Variants in VRK2 observed in about 807,000 individuals in gnomAD.
VRK2 encodes the protein VRK serine/threonine kinase 2, also known as serine/threonine-protein kinase VRK2.
A neutral mutation model predicts 57.6 loss-of-function variants in VRK2; 60 were observed. That is an observed-to-expected ratio of 1.04 (90% confidence interval 0.85 to 1.29). VRK2 has a LOEUF of 1.29. Among genes scored for constraint, VRK2 ranks in the 50% most tolerant of loss-of-function variants. VRK2 has a pLI of 0.00. For missense variants in VRK2, 705 were observed against 588.1 expected (o/e 1.20, Z -2.06); for synonymous variants, 231 against 199.2 (o/e 1.16, Z -1.35).
intron 1 of VRK2, among the ~76,000 whole-genome samples, chr2:58,012,207 G>T (rs976851384): frequency 6.6e-6 from 1 of 152,162 alleles, no homozygotes. Flanking sequence ...ATATCATCAA[G>T]AAATAACCAC....
intron 11 of VRK2, among the ~76,000 whole-genome samples, chr2:58,143,710 A>C (rs1399617519): frequency 6.6e-6 from 1 of 151,910 alleles, no homozygotes; most frequent in Admixed American, 6.6e-5. Flanking sequence ...TAAAACTGCC[A>C]GCAACCTTGC....
chr2:58,088,327 C>CT lies in VRK2; in HGVS notation c.345-8dup, dbSNP rs749577671. 4 of 1,554,702 alleles carry CT rather than the reference C, an allele frequency of 2.6e-6. No individual in the cohort carries two copies. Among genetic ancestry groups the CT allele is most frequent in the Non-Finnish European group, 3.5e-6 (4 of 1,137,426 alleles). On this transcript the variant is annotated splice_polypyrimidine_tract_variant and intron_variant, in intron 5 of 12. Coordinates refer to ENST00000340157, the MANE Select transcript of VRK2 (RefSeq NM_006296.7). ...TTCTCAGGATGATCTCTTTTTGATG[C>CT]TTTTTTCTTACAGTTACAGATTTAT...
chr2:57,924,142 G>C (rs1670455872), intron 1 of VRK2, among the ~76,000 whole-genome samples: 1 of 152,006 alleles, frequency 6.6e-6, no homozygotes, highest in African/African-American at 2.4e-5. Context: ...TGTATACTTT[G>C]AAGTCAGGTA....
chr2:58,038,006 A>AT (rs1463974475), intron 3 of VRK2, among the ~76,000 whole-genome samples: 2 of 152,140 alleles, frequency 1.3e-5, no homozygotes, highest in Non-Finnish European at 2.9e-5. Context: ...CTACATGCCA[A>AT]TATAGGAATT....
In VRK2 at chr2:58,159,418, C is replaced by CA. The variant is rs746130633; in HGVS notation, c.1258dup (p.Ile420AsnfsTer12). 37 of 1,613,376 alleles carry CA rather than the reference C, an allele frequency of 2.3e-5. No individual in the cohort carries two copies. Among genetic ancestry groups the CA allele is most frequent in the Non-Finnish European group, 3.0e-5 (35 of 1,179,680 alleles). On this transcript the variant is annotated frameshift_variant, in exon 13 of 13. Transcript: ENST00000340157. LOFTEE classifies it low-confidence loss of function (END_TRUNC). ...TTTGAATGAAGTAAACAGTTTCCCA[C>CA]AAAAAATCAGCTATACACAATTCCC...
intron 1 of VRK2, among the ~76,000 whole-genome samples, chr2:57,996,787 A>G (rs1390282562): frequency 6.6e-6 from 1 of 152,154 alleles, no homozygotes; most frequent in Non-Finnish European, 1.5e-5. Flanking sequence ...TGGTATTTGC[A>G]TATAACCTAT....
At position 58,131,815 on chromosome 2, in the gene VRK2, C is replaced by T. The variant is rs984426318; in HGVS notation, c.684C>T (p.Ser228=). Residue 228 remains serine (S), a synonymous_variant, in exon 9 of 13, where the codon TCC becomes TCT. Transcript: ENST00000340157. Reference sequence around the variant, plus strand: ...TAATGCTTACTCCTATAGCCTTGTCCAGACGAAGTGACGTTGAGATCCTCG... The same window carrying T: ...TAATGCTTACTCCTATAGCCTTGTCTAGACGAAGTGACGTTGAGATCCTCG... ...SLDAHKGVAL[S]RRSDVEILGY... 6.2e-7 allele frequency: 1 copy of T among 1,611,696 alleles called. No homozygotes were observed. The highest frequency in any genetic ancestry group is 1.3e-5 in the African/African-American group (1 of 74,816).
Position 58,159,618 on chromosome 2 carries a change from C to G in VRK2, c.1452C>G (p.Asn484Lys). 6.2e-7 allele frequency: 1 copy of G among 1,613,776 alleles called. No homozygotes were observed. Among genetic ancestry groups the G allele is most frequent in the Non-Finnish European group, 8.5e-7 (1 of 1,179,796 alleles). ...ISQFTLSEET[N>K]ADVYYYRIII... ...AGTTTACTCTTAGTGAAGAGACAAA[C>G]GCAGATGTTTATTATTATCGCATCA... is the stretch of plus-strand genomic sequence containing the variant. The change falls in exon 13 of 13, where the codon AAC (asparagine) becomes AAG (lysine). Residue 484 changes from asparagine (N) to lysine (K), a missense_variant. Transcript: ENST00000340157.
chr2:58,152,771 CG>C (rs1486805151), intron 12 of VRK2, among the ~76,000 whole-genome samples: 3 of 151,636 alleles, frequency 2.0e-5, no homozygotes, highest in Non-Finnish European at 3.0e-5. Flanking sequence ...CTGTAGACTC[CG>C]AAATTGCAAA....
At chr2:58,037,725 A>C (rs988461651) in intron 3 of VRK2, among the ~76,000 whole-genome samples, 1 of 152,126 alleles carries the variant, frequency 6.6e-6, no homozygotes, top group African/African-American at 2.4e-5. Context: ...ATACTCCTGC[A>C]ATATGTCTCC....
chr2:57,966,739 A>T (rs1291080770), intron 1 of VRK2, among the ~76,000 whole-genome samples: 1 of 152,220 alleles, frequency 6.6e-6, no homozygotes, highest in Non-Finnish European at 1.5e-5. Flanking sequence ...AATAACAGTT[A>T]TGAATCCTCT....
At chr2:58,025,979 T>C (rs1191548437) in intron 2 of VRK2, among the ~76,000 whole-genome samples, 1 of 152,182 alleles carries the variant, frequency 6.6e-6, no homozygotes, top group African/African-American at 2.4e-5. Flanking sequence ...GTGATTTCAG[T>C]ACAGATGACT....
At chr2:58,137,251 G>GATACATGTATATCAT (rs145492171) in intron 10 of VRK2, among the ~76,000 whole-genome samples, 1 of 77,380 alleles carries the variant, frequency 1.3e-5, no homozygotes, top group Non-Finnish European at 2.8e-5. Flanking sequence ...TCATATATAT[G>GATACATGTATATCAT]ATATATATGA....
At chr2:57,951,884 C>T (rs2717043) in intron 1 of VRK2, among the ~76,000 whole-genome samples, 104,242 of 150,516 alleles carry the variant, frequency 0.69, 36,995 homozygotes, top group African/African-American at 0.86. Flanking sequence ...GTTTAAACTA[C>T]AGAAGCATAC....
chr2:58,093,990 T>C (rs1284575927), intron 7 of VRK2, among the ~76,000 whole-genome samples: 1 of 152,210 alleles, frequency 6.6e-6, no homozygotes, highest in African/African-American at 2.4e-5. Context: ...TGTGATATTA[T>C]TTCTGAGGGC....
chr2:58,044,963 G>A (rs888854390), upstream of VRK2, among the ~76,000 whole-genome samples: 1 of 152,216 alleles, frequency 6.6e-6, no homozygotes, highest in Admixed American at 6.5e-5. Flanking sequence ...GCACAGGACA[G>A]CCTATCTCTC....
At chr2:58,060,476 T>C (rs1164128953) in intron 2 of VRK2, among the ~76,000 whole-genome samples, 3 of 151,730 alleles carry the variant, frequency 2.0e-5, no homozygotes, top group Non-Finnish European at 4.4e-5. Flanking sequence ...GGCACATGGA[T>C]AGAGGCCTTA....
At chr2:57,973,774 T>C (rs1672165729) in intron 1 of VRK2, among the ~76,000 whole-genome samples, 1 of 151,788 alleles carries the variant, frequency 6.6e-6, no homozygotes, top group Non-Finnish European at 1.5e-5. Flanking sequence ...TTTCACTTCT[T>C]GAAAGATATA....
chr2:58,014,480 T>C (rs1246982881), intron 1 of VRK2, among the ~76,000 whole-genome samples: 1 of 152,254 alleles, frequency 6.6e-6, no homozygotes, highest in Non-Finnish European at 1.5e-5. Context: ...GAAAATTTCA[T>C]AATTCTTACC....
Sources: allele counts gnomAD v4.1 joint callset (sites outside exome capture counted in the v4.1 genomes callset), GRCh38; gene constraint gnomAD v4.1.1; transcripts MANE v1.5; gene names NCBI Gene and HGNC (gene_info 2026-07-23, HGNC 2026-07-21).